CPAMD8: variants seen among roughly 807,000 people sequenced by gnomAD.
The protein encoded by CPAMD8 is C3 and PZP like alpha-2-macroglobulin domain containing 8.
CPAMD8 carries 146 observed loss-of-function variants against 224.7 expected under a neutral mutation model. The observed-to-expected ratio is 0.65, with a 90% CI of 0.57 to 0.75. The LOEUF is 0.75. Among genes scored for constraint, CPAMD8 ranks in the 30% least tolerant of loss-of-function variants. The probability of loss-of-function intolerance (pLI) is 0.00; values close to 1 mark genes in which losing one functional copy is unlikely to be tolerated. For synonymous variants in CPAMD8, 966 were observed against 1,044.6 expected, an observed-to-expected ratio of 0.92 and a Z score of 1.45; for missense variants, 2,301 against 2,537.5, an observed-to-expected ratio of 0.91 and a Z score of 2.00.
At chr19:16,914,992 C>T (rs1237152670) in intron 27 of CPAMD8, among the ~76,000 whole-genome samples, 179 bp from the exon 28 acceptor site, 1 of 152,206 alleles carries the variant, frequency 6.6e-6, no homozygotes, top group Non-Finnish European at 1.5e-5. Context: ...GCACATTGCC[C>T]AGCACCCAGT....
At chr19:16,995,846 C>T (rs1374966416) in intron 11 of CPAMD8, among the ~76,000 whole-genome samples, 2 of 152,130 alleles carry the variant, frequency 1.3e-5, no homozygotes, top group Non-Finnish European at 2.9e-5. Context: ...AAGATCCCAT[C>T]TCTACAAAAA....
chr19:16,911,364 T>C (rs954632292), intron 29 of CPAMD8, among the ~76,000 whole-genome samples: 1 of 150,588 alleles, frequency 6.6e-6, no homozygotes, highest in Non-Finnish European at 1.5e-5. Context: ...TTTTTTTTTG[T>C]TCTTTTTTTT....
intron 34 of CPAMD8, 47 bp from the exon 35 acceptor site, chr19:16,902,910 A>C (rs2052321725): frequency 7.8e-7 from 1 of 1,286,248 alleles, no homozygotes. Flanking sequence ...GGCCCTCCAT[A>C]ACAGGTGCAG....
intron 39 of CPAMD8, chr19:16,897,015 T>G (rs1421578233): frequency 1.1e-4 from 4 of 37,702 alleles, no homozygotes; most frequent in African/African-American, 2.4e-4. Context: ...CACTGACCGC[T>G]CCTATCCTCA....
chr19:17,024,574 T>A (rs1360953160), intron 1 of CPAMD8, among the ~76,000 whole-genome samples: 2 of 152,242 alleles, frequency 1.3e-5, no homozygotes, highest in East Asian at 3.8e-4. Flanking sequence ...TTCATTTTGC[T>A]TGGTCACCTT....
Position 16,963,038 on chromosome 19 carries a change from G to A in CPAMD8, c.2214-5123C>T, listed in dbSNP as rs185843325. 2.2e-4 allele frequency among the ~76,000 whole-genome samples: 33 copies of A among 152,270 alleles called. No homozygotes were observed. In the East Asian group the frequency reaches 6.4e-3, roughly 29 times the overall value. ...GGCCTGCCTTTCAAGAGCTCCTGAA[G>A]GAAGCACTAAACATAGAAAGGAACA... On this transcript the variant is annotated intron_variant, in intron 18 of 41. Coordinates refer to ENST00000443236, the MANE Select transcript of CPAMD8 (RefSeq NM_015692.5).
rs543951629 is a variant in CPAMD8 at position 16,936,097 on chromosome 19, T to C, written c.2845+2298A>G. ...CACAAGCCACCATGCCCAGCTAATA[T>C]TTTGTATTTTTGTAGAGACAGGGTC... On this transcript the variant is annotated intron_variant, in intron 23 of 41. Coordinates refer to ENST00000443236, the MANE Select transcript of CPAMD8 (RefSeq NM_015692.5). Among the ~76,000 whole-genome samples, 5 of 151,962 alleles carry C rather than the reference T, an allele frequency of 3.3e-5. No homozygotes were observed. The South Asian group carries it at 8.3e-4, about 25-fold the overall frequency.
At chr19:16,948,875 A>G (rs1358712586) in intron 20 of CPAMD8, among the ~76,000 whole-genome samples, 16 of 43,128 alleles carry the variant, frequency 3.7e-4, no homozygotes, top group East Asian at 3.3e-3. Context: ...AGGAAAGGGA[A>G]GGGAAGGGAA....
In CPAMD8 at chr19:16,904,471, TGA is replaced by T. The variant is rs756993581; in HGVS notation, c.4107_4108del (p.Gln1370ValfsTer22). 6.2e-7 allele frequency: 1 copy of T among 1,613,778 alleles called. No individual in the cohort carries two copies. The highest frequency in any genetic ancestry group is 1.1e-5 in the South Asian group (1 of 91,082). On this transcript the variant is annotated frameshift_variant, in exon 31 of 42. Transcript: ENST00000443236. LOFTEE classifies it high-confidence loss of function. ...GGAGCTGGGGTGGCCAGTACCTGACTGAGAGACCCTGTCACTGAAGCTCAAGA... is the reference window on the plus strand; with the variant it reads ...GGAGCTGGGGTGGCCAGTACCTGACTGAGACCCTGTCACTGAAGCTCAAGA...
intron 18 of CPAMD8, among the ~76,000 whole-genome samples, chr19:16,960,146 AT>A (rs2122500167): frequency 6.6e-6 from 1 of 151,570 alleles, no homozygotes; most frequent in South Asian, 2.1e-4. Context: ...GCCTTCATGC[AT>A]TCTTGTTTGA....
chr19:16,945,956 C>T (rs376621013), intron 21 of CPAMD8, among the ~76,000 whole-genome samples: 1,675 of 151,542 alleles, frequency 0.011, 37 homozygotes, highest in African/African-American at 0.039. Flanking sequence ...TTTGTGTGCA[C>T]GAGTTTGTGT....
chr19:17,016,577 A>G (rs950948590), intron 3 of CPAMD8, among the ~76,000 whole-genome samples: 1 of 152,166 alleles, frequency 6.6e-6, no homozygotes, highest in Non-Finnish European at 1.5e-5. Flanking sequence ...AGTAGCCAAC[A>G]TGGTGAAACC....
chr19:16,957,803 G>A, intron 19 of CPAMD8, 50 bp downstream of exon 19: 1 of 1,585,152 alleles, frequency 6.3e-7, no homozygotes, highest in Non-Finnish European at 8.7e-7. Context: ...CCGCATGAGT[G>A]TCTTTCACTC....
intron 18 of CPAMD8, among the ~76,000 whole-genome samples, chr19:16,968,625 T>TTTTA (rs148205198): frequency 0.035 from 5,307 of 151,960 alleles, 158 homozygotes; most frequent in African/African-American, 0.08. Context: ...GCTTAAGTGT[T>TTTTA]TTTATTTATT....
intron 13 of CPAMD8, among the ~76,000 whole-genome samples, chr19:16,983,853 T>C (rs1437612829): frequency 6.6e-6 from 1 of 152,108 alleles, no homozygotes; most frequent in Non-Finnish European, 1.5e-5. Context: ...TTTGCAGAAA[T>C]GGAACTGATC....
Position 16,906,337 on chromosome 19 carries a change from CCTTTCTTTCTTTCTTTCTTT to C in CPAMD8, c.4027+595_4027+614del, listed in dbSNP as rs35867251. ...CTCTCCCTCCTTCCTTCCTTCTTTC[CCTTTCTTTCTTTCTTTCTTT>C]CTTTCTTTCTTTCTTTCTTTCTTTC... On this transcript the variant is annotated intron_variant, in intron 30 of 41. Transcript: ENST00000443236. 3.2e-3 allele frequency among the ~76,000 whole-genome samples: 262 copies of C among 81,692 alleles called. 1 individual carries two copies. The highest frequency in any genetic ancestry group is 0.018 in the East Asian group (41 of 2,334). The allele number at this position is 81,692 out of a possible 152,430, so 53.6% of individuals were successfully genotyped here.
intron 19 of CPAMD8, among the ~76,000 whole-genome samples, chr19:16,954,332 C>CA (rs371839176): frequency 0.05 from 4,597 of 92,710 alleles, 87 homozygotes; most frequent in Admixed American, 0.1. Flanking sequence ...GACTCTATCT[C>CA]AAAAAAAAAA....
In CPAMD8 at chr19:16,899,205, G is replaced by A. The variant is rs1307161134; in HGVS notation, c.4848+270C>T. 6.6e-6 allele frequency among the ~76,000 whole-genome samples: 1 copy of A among 152,212 alleles called. No homozygotes were observed. The highest frequency in any genetic ancestry group is 1.5e-5 in the Non-Finnish European group (1 of 68,042). On this transcript the variant is annotated intron_variant, in intron 37 of 41. Transcript: ENST00000443236. This position sits in a 1 kb window ranked among gnomAD's most constrained non-coding sequence, Gnocchi z 5.4. ...CAAAGTGATGGGATTGCAGGCGTAA[G>A]CCAAAGGGCCTGGGCACTTTTTTAT...
chr19:16,939,243 G>A (rs573389111), intron 22 of CPAMD8, among the ~76,000 whole-genome samples: 7 of 151,182 alleles, frequency 4.6e-5, no homozygotes, highest in Admixed American at 1.3e-4. Context: ...TCACTCTGTC[G>A]CCCAGGCTGG....
Sources: gnomAD v4.1 joint callset for allele counts (sites outside exome capture counted in the v4.1 genomes callset) on GRCh38, gnomAD v4.1.1 for gene constraint, Gnocchi (gnomAD v3.1) non-coding constraint, MANE v1.5 for transcripts, NCBI Gene and HGNC (gene_info 2026-07-23, HGNC 2026-07-21) for gene names.